MYO9B: variants seen among roughly 807,000 people sequenced by gnomAD.
MYO9B encodes the protein unconventional myosin-IXb.
In MYO9B, 71 loss-of-function variants were observed where a neutral mutation model predicts 229.5. That is an observed-to-expected ratio of 0.31 (90% CI 0.26 to 0.38). The LOEUF (loss-of-function observed/expected upper bound fraction) is 0.38, where lower values mean the gene tolerates loss of function less well. MYO9B is among the 10% of genes least tolerant of loss of function. The pLI, the probability that MYO9B is intolerant of heterozygous loss-of-function variation, is 1.00. For missense variants in MYO9B, 2,255 were observed against 2,920.5 expected, an observed-to-expected ratio of 0.77 and a Z score of 5.25; for synonymous variants, 1,185 against 1,235.8, an observed-to-expected ratio of 0.96 and a Z score of 0.86.
In MYO9B at chr19:17,181,255, A is replaced by G. The variant is rs539219758; in HGVS notation, c.2333+215A>G. ...CCAGGCACAGCCGGCTTCCCAGCAC[A>G]CGGGGCAGCTTCCCAGGAGCACTCC... On this transcript the variant is annotated intron_variant, in intron 15 of 39. Coordinates refer to ENST00000682292, the MANE Select transcript of MYO9B (RefSeq NM_004145.4). Among the ~76,000 whole-genome samples, 426 of 152,270 alleles carry G rather than the reference A, an allele frequency of 2.8e-3. 3 individuals carry two copies. Among genetic ancestry groups the G allele is most frequent in the Non-Finnish European group, 5.0e-3 (340 of 68,014 alleles).
chr19:17,152,301 C>G (rs2072486871), intron 3 of MYO9B, among the ~76,000 whole-genome samples: 1 of 152,042 alleles, frequency 6.6e-6, no homozygotes, highest in South Asian at 2.1e-4. Flanking sequence ...TGCCTGTAAT[C>G]CCGCACTTTG....
chr19:17,182,311 C>T (rs969302093), intron 15 of MYO9B, among the ~76,000 whole-genome samples: 1 of 152,146 alleles, frequency 6.6e-6, no homozygotes, highest in Non-Finnish European at 1.5e-5. Context: ...TGGTCTCAAA[C>T]TCCTGGGCTC....
chr19:17,205,256 C>A lies in MYO9B; in HGVS notation c.4991-7C>A. On this transcript the variant is annotated splice_polypyrimidine_tract_variant and splice_region_variant and intron_variant, in intron 30 of 39. Coordinates refer to ENST00000682292, the MANE Select transcript of MYO9B (RefSeq NM_004145.4). ...CCTCTGTGACTCCCACCCTGTGGAC[C>A]TCCTAGTGTGCAAGATGACCTGCCA... 6.2e-7 allele frequency: 1 copy of A among 1,613,478 alleles called. No individual in the cohort carries two copies. Among genetic ancestry groups the A allele is most frequent in the Non-Finnish European group, 8.5e-7 (1 of 1,179,682 alleles).
At chr19:17,174,219 G>A (rs1444734999) in intron 13 of MYO9B, among the ~76,000 whole-genome samples, 2 of 151,682 alleles carry the variant, frequency 1.3e-5, no homozygotes, top group African/African-American at 4.8e-5. Flanking sequence ...TTTTAGTAGA[G>A]ATAGGGTTTC....
chr19:17,198,067 A>G, intron 23 of MYO9B, 117 bp from the exon 24 acceptor site: 1 of 1,481,700 alleles, frequency 6.7e-7, no homozygotes, highest in Non-Finnish European at 9.0e-7. Flanking sequence ...CGTTTCAAAA[A>G]AAAAAAAAGC....
rs540457753 is a variant in MYO9B at position 17,124,010 on chromosome 19, C to T, written c.841-21387C>T. ...AAGTGATCCTCCCACCTCAGCCTCC[C>T]AAGCAGCTAGGATTACAGGCACTTA... On this transcript the variant is annotated intron_variant, in intron 2 of 39. Coordinates refer to ENST00000682292, the MANE Select transcript of MYO9B (RefSeq NM_004145.4). Among the ~76,000 whole-genome samples, 75 of 152,186 alleles carry T rather than the reference C, an allele frequency of 4.9e-4. No homozygotes were observed. In the South Asian group the frequency reaches 0.011, roughly 23 times the overall value.
chr19:17,139,564 G>A (rs535125209), intron 2 of MYO9B, among the ~76,000 whole-genome samples: 2 of 152,170 alleles, frequency 1.3e-5, no homozygotes, highest in East Asian at 3.9e-4. Flanking sequence ...GGGCAACACA[G>A]TGAAACCTCT....
intron 14 of MYO9B, among the ~76,000 whole-genome samples, chr19:17,176,206 T>C (rs890884059): frequency 3.3e-5 from 5 of 152,114 alleles, no homozygotes; most frequent in Non-Finnish European, 5.9e-5. Context: ...ATTTCTTTTG[T>C]ATTTTTTTTT....
intron 2 of MYO9B, among the ~76,000 whole-genome samples, chr19:17,113,451 C>T (rs1448023645): frequency 6.6e-6 from 1 of 152,170 alleles, no homozygotes; most frequent in African/African-American, 2.4e-5. Context: ...CCTGCTCGCC[C>T]TGCGAGCGGT....
At chr19:17,114,956 G>A (rs536377364) in intron 2 of MYO9B, among the ~76,000 whole-genome samples, 11 of 129,694 alleles carry the variant, frequency 8.5e-5, no homozygotes, top group South Asian at 2.4e-4. Flanking sequence ...AAAACACTTC[G>A]TCTTTTTAGT....
At chr19:17,204,788 A>G (rs2073141979) in intron 30 of MYO9B, among the ~76,000 whole-genome samples, 1 of 152,074 alleles carries the variant, frequency 6.6e-6, no homozygotes, top group African/African-American at 2.4e-5. Context: ...GAGCTATGAT[A>G]GTGCCACTGC....
At chr19:17,110,535 T>C (rs552275843) in intron 2 of MYO9B, among the ~76,000 whole-genome samples, 1 of 152,324 alleles carries the variant, frequency 6.6e-6, no homozygotes, top group Non-Finnish European at 1.5e-5. Context: ...GAGAGCAGGC[T>C]GAGTCCAGGG....
At chr19:17,083,601 C>T (rs1014839813) in intron 1 of MYO9B, among the ~76,000 whole-genome samples, 6 of 150,900 alleles carry the variant, frequency 4.0e-5, no homozygotes, top group African/African-American at 1.2e-4. Flanking sequence ...AGTGACTTTG[C>T]GTCTGTCATC....
At chr19:17,120,291 C>T (rs369323785) in intron 2 of MYO9B, among the ~76,000 whole-genome samples, 2 of 152,290 alleles carry the variant, frequency 1.3e-5, no homozygotes, top group African/African-American at 2.4e-5. Context: ...ACAGGCTGGG[C>T]AGCCACCGCT....
chr19:17,206,404 G>A, intron 33 of MYO9B, 28 bp downstream of exon 33: 4 of 1,603,602 alleles, frequency 2.5e-6, no homozygotes, highest in South Asian at 1.1e-5. Flanking sequence ...GCGGGTGGCA[G>A]CAGGTGGCCA....
In MYO9B at chr19:17,210,750, G is replaced by T; in HGVS notation, c.5832G>T (p.Glu1944Asp). The T allele has an allele frequency of 6.4e-7, 1 of 1,564,344 alleles. No individual in the cohort carries two copies. Among genetic ancestry groups the T allele is most frequent in the Non-Finnish European group, 8.7e-7 (1 of 1,154,850 alleles). ...KSPKTRDIQE[E>D]ELEVLLEEEA... ...CCAAGACCCGGGACATCCAGGAGGA[G>T]GAGCTGGAGGTGCTGCTGGAGGAGG... Residue 1944 changes from glutamate (E) to aspartate (D), a missense_variant, in exon 38 of 40, where the codon GAG becomes GAT. Transcript: ENST00000682292.
intron 15 of MYO9B, among the ~76,000 whole-genome samples, chr19:17,182,810 T>A (rs2072875893): frequency 6.6e-6 from 1 of 152,146 alleles, no homozygotes; most frequent in Admixed American, 6.6e-5. Flanking sequence ...TTTGAATAAA[T>A]AAATATATTT....
At chr19:17,110,571 C>T (rs60092485) in intron 2 of MYO9B, among the ~76,000 whole-genome samples, 3,558 of 152,306 alleles carry the variant, frequency 0.023, 156 homozygotes, top group African/African-American at 0.082. Flanking sequence ...TTCCCTTCAT[C>T]TGTCCTGAAC....
chr19:17,192,208 G>T (rs899005240), intron 20 of MYO9B, among the ~76,000 whole-genome samples: 1 of 142,918 alleles, frequency 7.0e-6, no homozygotes, highest in South Asian at 2.3e-4. Flanking sequence ...CAGAAGAATC[G>T]CTTGAAACCG....
Sources: allele counts gnomAD v4.1 joint callset (sites outside exome capture counted in the v4.1 genomes callset), GRCh38; gene constraint gnomAD v4.1.1; transcripts MANE v1.5; gene names NCBI Gene and HGNC (gene_info 2026-07-23, HGNC 2026-07-21).